Variants in NCKAP5 observed in about 807,000 individuals in gnomAD.
The protein encoded by NCKAP5 is nck-associated protein 5.
Under a neutral mutation model 167.0 loss-of-function variants are expected in NCKAP5, and 92 were observed. That is an observed-to-expected ratio of 0.55 (90% confidence interval 0.47 to 0.66). NCKAP5 has a LOEUF of 0.66. Among genes scored for constraint, NCKAP5 ranks in the 30% least tolerant of loss-of-function variants. The pLI is 0.00. For missense variants in NCKAP5, 2,378 were observed against 2,315.0 expected, an observed-to-expected ratio of 1.03 and a Z score of -0.56; for synonymous variants, 891 against 877.4, an observed-to-expected ratio of 1.02 and a Z score of -0.27.
chr2:133,169,873 G>T (rs547610211), intron 5 of NCKAP5, among the ~76,000 whole-genome samples: 7 of 152,264 alleles, frequency 4.6e-5, no homozygotes, highest in Non-Finnish European at 1.0e-4. Context: ...GGCATTAAAG[G>T]GGTTACGTAA....
chr2:133,209,240 T>A (rs1379542425), intron 5 of NCKAP5, among the ~76,000 whole-genome samples: 3 of 151,678 alleles, frequency 2.0e-5, no homozygotes, highest in Non-Finnish European at 4.4e-5. Context: ...CAGCACAAGC[T>A]GAAACAACCT....
At chr2:133,505,421 GCTTC>G (rs1376421810) in intron 3 of NCKAP5, among the ~76,000 whole-genome samples, 1 of 152,030 alleles carries the variant, frequency 6.6e-6, no homozygotes, top group African/African-American at 2.4e-5. Flanking sequence ...TTTTCTGAAT[GCTTC>G]CTTCCATGTA....
At chr2:133,615,545 A>G in the NCKAP5 span, among the ~76,000 whole-genome samples, 1 of 152,238 alleles carries the variant, frequency 6.6e-6, no homozygotes, top group Admixed American at 6.5e-5. Flanking sequence ...AGATCAAAAG[A>G]GACAAAGAAG....
the NCKAP5 span, among the ~76,000 whole-genome samples, chr2:133,597,800 C>T: frequency 2.2e-4 from 33 of 151,994 alleles, no homozygotes; most frequent in African/African-American, 7.7e-4. Context: ...TCACCCTAAG[C>T]ACAGCCAGTG....
At chr2:132,908,139 T>C (rs1477125780) in intron 8 of NCKAP5, among the ~76,000 whole-genome samples, 1 of 152,206 alleles carries the variant, frequency 6.6e-6, no homozygotes, top group African/African-American at 2.4e-5. Context: ...TATTAACTCC[T>C]TTTTGCTTTT....
chr2:133,294,080 A>G (rs1044877535), intron 4 of NCKAP5, among the ~76,000 whole-genome samples: 1 of 152,222 alleles, frequency 6.6e-6, no homozygotes, highest in Non-Finnish European at 1.5e-5. Context: ...TATTGCTATT[A>G]CAGAGCACTG....
At chr2:133,583,476 T>C in the NCKAP5 span, among the ~76,000 whole-genome samples, 12 of 152,174 alleles carry the variant, frequency 7.9e-5, no homozygotes, top group African/African-American at 2.4e-5. Context: ...CGTGGATTCC[T>C]GTAAGCCCTG....
chr2:133,495,008 A>G (rs1681811912), intron 3 of NCKAP5, among the ~76,000 whole-genome samples: 1 of 152,160 alleles, frequency 6.6e-6, no homozygotes, highest in South Asian at 2.1e-4. Flanking sequence ...TGGTCTCCAC[A>G]ACCCCTTATC....
At chr2:132,876,133 G>C (rs539654938) in intron 9 of NCKAP5, among the ~76,000 whole-genome samples, 4 of 152,274 alleles carry the variant, frequency 2.6e-5, no homozygotes, top group Non-Finnish European at 5.9e-5. Context: ...CACCCAGGCT[G>C]GAATGCAGTG....
At chr2:133,077,514 T>C (rs1280579282) in intron 6 of NCKAP5, among the ~76,000 whole-genome samples, 2 of 152,182 alleles carry the variant, frequency 1.3e-5, no homozygotes. Flanking sequence ...CTCTTTCTGG[T>C]AAAAGCTAGA....
intron 8 of NCKAP5, among the ~76,000 whole-genome samples, chr2:132,931,765 G>T (rs1219356500): frequency 6.6e-6 from 1 of 152,004 alleles, no homozygotes; most frequent in Non-Finnish European, 1.5e-5. Flanking sequence ...AGCTCCCTAG[G>T]TAATTATAAT....
At chr2:133,482,667 G>A (rs1680557322) in intron 3 of NCKAP5, among the ~76,000 whole-genome samples, 1 of 152,170 alleles carries the variant, frequency 6.6e-6, no homozygotes, top group Non-Finnish European at 1.5e-5. Flanking sequence ...ACAGTTGTGA[G>A]ATTGCTGGAT....
intron 3 of NCKAP5, among the ~76,000 whole-genome samples, chr2:133,480,447 T>G (rs1277953540): frequency 6.6e-6 from 1 of 152,174 alleles, no homozygotes; most frequent in African/African-American, 2.4e-5. Flanking sequence ...CCCTTCCTGT[T>G]TTTCCTTTGG....
At chr2:133,266,942 T>TC (rs1448452159) in intron 4 of NCKAP5, among the ~76,000 whole-genome samples, 1 of 142,826 alleles carries the variant, frequency 7.0e-6, no homozygotes, top group East Asian at 2.2e-4. Flanking sequence ...CCCTACCCAC[T>TC]CCCCCTCCCC....
intron 3 of NCKAP5, among the ~76,000 whole-genome samples, chr2:133,492,819 T>C (rs575956064): frequency 6.6e-6 from 1 of 152,318 alleles, no homozygotes; most frequent in East Asian, 1.9e-4. Context: ...ATTCATAGAC[T>C]CAGTGCTTCA....
intron 6 of NCKAP5, among the ~76,000 whole-genome samples, chr2:132,999,169 C>A (rs1283750671): frequency 6.6e-6 from 1 of 152,104 alleles, no homozygotes; most frequent in Non-Finnish European, 1.5e-5. Flanking sequence ...TAAATGCAGG[C>A]ATTTTATTTT....
intron 3 of NCKAP5, among the ~76,000 whole-genome samples, chr2:133,451,173 T>C (rs765650919): frequency 3.3e-5 from 5 of 152,146 alleles, no homozygotes; most frequent in African/African-American, 4.8e-5. Flanking sequence ...CATGAAATAT[T>C]GCAATTTTTA....
At chr2:133,132,514 C>CAA in intron 5 of NCKAP5, among the ~76,000 whole-genome samples, 1 of 149,152 alleles carries the variant, frequency 6.7e-6, no homozygotes, top group Non-Finnish European at 1.5e-5. Flanking sequence ...CACACACACA[C>CAA]ACAAACCCTG....
At chr2:132,940,220 T>C (rs927434642) in intron 8 of NCKAP5, among the ~76,000 whole-genome samples, 1 of 152,194 alleles carries the variant, frequency 6.6e-6, no homozygotes, top group African/African-American at 2.4e-5. Flanking sequence ...AGACATTATT[T>C]TGTTCATAAG....
Sources: gnomAD v4.1 joint callset for allele counts (sites outside exome capture counted in the v4.1 genomes callset) on GRCh38, gnomAD v4.1.1 for gene constraint, MANE v1.5 for transcripts, NCBI Gene and HGNC (gene_info 2026-07-23, HGNC 2026-07-21) for gene names.